Variants in PSMD6 observed in about 807,000 individuals in gnomAD.
The protein encoded by PSMD6 is proteasome 26S subunit, non-ATPase 6.
PSMD6 carries 7 observed loss-of-function variants against 44.9 expected under a neutral mutation model. That is an observed-to-expected ratio of 0.16 (90% CI 0.09 to 0.29). The LOEUF is 0.29. PSMD6 is among the 10% of genes least tolerant of loss of function. PSMD6 has a pLI of 1.00. For missense variants in PSMD6, 420 were observed against 482.6 expected (o/e 0.87, Z 1.21); for synonymous variants, 184 against 172.7 (o/e 1.07, Z -0.51).
intron 2 of PSMD6, 39 bp downstream of exon 2, chr3:64,022,279 C>G: frequency 6.2e-7 from 1 of 1,604,850 alleles, no homozygotes; most frequent in Non-Finnish European, 8.5e-7. Flanking sequence ...CAATTTTAGC[C>G]TATACTAACT....
At position 64,010,632 on chromosome 3, in the gene PSMD6, T is replaced by G. The variant is rs773162770; in HGVS notation, c.*36A>C. On this transcript the variant is annotated 3_prime_UTR_variant, in exon 8 of 8. Transcript: ENST00000295901. Reference sequence around the variant, plus strand: ...GTAAGCTATAAAAATTCCAAATAATTATCTCTAAAGCAAATCCTTTGTTAG... The same window carrying G: ...GTAAGCTATAAAAATTCCAAATAATGATCTCTAAAGCAAATCCTTTGTTAG... 1.8e-5 allele frequency: 26 copies of G among 1,470,848 alleles called. No individual in the cohort carries two copies. Among genetic ancestry groups the G allele is most frequent in the Non-Finnish European group, 2.1e-5 (22 of 1,068,050 alleles). 91.1% of individuals were successfully genotyped at this position (1,470,848 alleles called of 1,614,324 possible).
chr3:64,012,330 TG>T (rs1250704012), intron 6 of PSMD6: 1 of 152,152 alleles, frequency 6.6e-6, no homozygotes, highest in Non-Finnish European at 1.5e-5. Flanking sequence ...TGGGAGCCAC[TG>T]ATCTAGATGC....
At chr3:64,023,958 A>C (rs184461682), upstream of PSMD6, 12 of 725,114 alleles carry the variant, frequency 1.7e-5, no homozygotes, top group East Asian at 3.3e-4. Flanking sequence ...CCATGTCGCA[A>C]GGCCTAAATG....
Position 64,023,426 on chromosome 3 carries a change from G to C in PSMD6, c.-7C>G. On this transcript the variant is annotated 5_prime_UTR_variant, in exon 1 of 8. Transcript: ENST00000295901. Reference sequence around the variant, plus strand: ...CCAGGTTCTCCAGCGGCATCGCGGCGAAGGGGACAGCGGCTGACAGGACAC... The same window carrying C: ...CCAGGTTCTCCAGCGGCATCGCGGCCAAGGGGACAGCGGCTGACAGGACAC... The C allele has an allele frequency of 1.9e-6, 3 of 1,595,546 alleles. No homozygotes were observed. Among genetic ancestry groups the C allele is most frequent in the Non-Finnish European group, 2.6e-6 (3 of 1,168,318 alleles).
Position 64,018,809 on chromosome 3 carries a change from G to T in PSMD6, c.717+9C>A. 1 of 1,556,690 alleles carries T rather than the reference G, an allele frequency of 6.4e-7. No individual in the cohort carries two copies. The highest frequency in any genetic ancestry group is 1.1e-5 in the South Asian group (1 of 88,780). The stretch of plus-strand genomic sequence containing the variant: ...TCTTTAAATTTGAGTATTAAAGTTT[G>T]GTCATTACCTTTTCCCTGAGATCTG... On this transcript the variant is annotated intron_variant, in intron 4 of 7. Transcript: ENST00000295901.
chr3:64,015,960 G>C (rs2076036535), intron 5 of PSMD6: 1 of 152,150 alleles, frequency 6.6e-6, no homozygotes, highest in African/African-American at 2.4e-5. Flanking sequence ...GGCTGAGGCG[G>C]GCGGATCGTG....
chr3:64,022,400 T>G lies in PSMD6; in HGVS notation c.269A>C (p.Asp90Ala). Reference protein sequence around the residue: ...ELKRLDEELEDAEKNLGESEI... With the variant: ...ELKRLDEELEAAEKNLGESEI... Reference sequence around the variant, plus strand: ...GCTCTCTCCTAGATTCTTCTCTGCATCTTCCAGCTCCTCATCCAAACGCTT... The same window carrying G: ...GCTCTCTCCTAGATTCTTCTCTGCAGCTTCCAGCTCCTCATCCAAACGCTT... Residue 90 changes from aspartate to alanine, a missense_variant, in exon 2 of 8, where the codon GAT becomes GCT. Around this residue, in one of 4 missense-constraint regions of PSMD6, gnomAD observed 136 missense variants for 124.2 expected, o/e 1.09. Transcript: ENST00000295901. 1 of 1,614,246 alleles carries G rather than the reference T, an allele frequency of 6.2e-7. No individual in the cohort carries two copies. The highest frequency in any genetic ancestry group is 8.5e-7 in the Non-Finnish European group (1 of 1,180,032).
intron 6 of PSMD6, 91 bp from the exon 7 acceptor site, chr3:64,011,046 A>ACAAACATTTAGCTTCCCTTCAAGCTTGT: frequency 9.4e-7 from 1 of 1,068,980 alleles, no homozygotes; most frequent in East Asian, 2.4e-5. Context: ...TAAATTTGTA[A>ACAAACATTTAGCTTCCCTTCAAGCTTGT]CAAACATTTA....
upstream of PSMD6, chr3:64,023,657 AG>A: frequency 6.9e-7 from 1 of 1,452,454 alleles, no homozygotes; most frequent in South Asian, 1.5e-5. Flanking sequence ...GGAGTCCCAG[AG>A]TGGGTGCAGC....
At chr3:64,020,982 A>C (rs2076119571) in intron 2 of PSMD6, among the ~76,000 whole-genome samples, 1 of 152,202 alleles carries the variant, frequency 6.6e-6, no homozygotes, top group Admixed American at 6.5e-5. Flanking sequence ...AATTTCAAAG[A>C]TCCAGTAATG....
At chr3:64,010,804 C>T in intron 7 of PSMD6, 40 bp from the exon 8 acceptor site, 2 of 1,575,516 alleles carry the variant, frequency 1.3e-6, no homozygotes, top group East Asian at 2.3e-5. Flanking sequence ...ATTTACCAGT[C>T]ACATTATTCC....
At chr3:64,011,442 G>GAATT (rs1385163798) in intron 6 of PSMD6, 1 of 148,102 alleles carries the variant, frequency 6.8e-6, no homozygotes, top group Non-Finnish European at 1.5e-5. Flanking sequence ...AAATGATGTA[G>GAATT]AATTATTGCT....
upstream of PSMD6, chr3:64,023,611 G>C (rs1020724435): frequency 1.4e-6 from 2 of 1,416,536 alleles, no homozygotes; most frequent in Admixed American, 3.1e-5. Flanking sequence ...GCCCCTGTGT[G>C]GTCACGGGGG....
At chr3:64,017,378 GAAGC>G (rs1244084072) in intron 5 of PSMD6, 2 of 152,130 alleles carry the variant, frequency 1.3e-5, no homozygotes, top group Middle Eastern at 3.2e-3. Flanking sequence ...CTGACTGAGG[GAAGC>G]AAGGAAGGGC....
intron 5 of PSMD6, chr3:64,014,213 A>G (rs974742391): frequency 1.3e-5 from 2 of 152,220 alleles, no homozygotes; most frequent in Non-Finnish European, 2.9e-5. Context: ...AGAAGACAGT[A>G]AAATGTACGT....
Position 64,019,317 on chromosome 3 carries a change from C to G in PSMD6, c.476G>C (p.Arg159Pro), listed in dbSNP as rs774026048. ...GTACCTTTTGGCCTTTTCTGTGTTT[C>G]GTGTGATGAGATCATTATCCATATA... Reference protein sequence around the residue: ...LFYMDNDLITRNTEKAKSLIE... With the variant: ...LFYMDNDLITPNTEKAKSLIE... Residue 159 changes from arginine to proline, a missense_variant, in exon 3 of 8, where the codon CGA (arginine) becomes CCA (proline). Arg to Pro is a moderately radical substitution (Grantham distance 103). Transcript: ENST00000295901. 4.4e-6 allele frequency: 7 copies of G among 1,587,200 alleles called. No individual in the cohort carries two copies. Among genetic ancestry groups the G allele is most frequent in the Non-Finnish European group, 1.7e-6 (2 of 1,155,940 alleles).
Position 64,013,537 on chromosome 3 carries a change from C to A in PSMD6, c.897G>T (p.Met299Ile), listed in dbSNP as rs2106846940. 1.2e-6 allele frequency: 2 copies of A among 1,613,614 alleles called. No individual in the cohort carries two copies. The highest frequency in any genetic ancestry group is 1.7e-6 in the Non-Finnish European group (2 of 1,179,734). The change falls in exon 6 of 8, where the codon ATG becomes ATT. Residue 299 changes from methionine to isoleucine, a missense_variant. Physicochemically the swap from Met to Ile is conservative, Grantham distance 10. Coordinates refer to ENST00000295901, the MANE Select transcript of PSMD6 (RefSeq NM_014814.3). ...GCAGCTGACTGTATGCATGAATTCT[C>A]ATTTCTCTTACATAGTATCGATAAT... Reference protein sequence around the residue: ...APHYRYYVREMRIHAYSQLLE... With the variant: ...APHYRYYVREIRIHAYSQLLE...
chr3:64,016,582 G>A (rs2106858357), intron 5 of PSMD6: 1 of 152,132 alleles, frequency 6.6e-6, no homozygotes, highest in East Asian at 1.9e-4. Flanking sequence ...TTAAGTATAT[G>A]AAAAGATGCT....
intron 5 of PSMD6, 150 bp from the exon 6 acceptor site, chr3:64,013,757 G>T: frequency 1.6e-6 from 1 of 626,212 alleles, no homozygotes; most frequent in Non-Finnish European, 2.5e-6. Flanking sequence ...ATCAACAATG[G>T]CAGCAACAGC....
Sources: gnomAD v4.1 joint callset for allele counts (sites outside exome capture counted in the v4.1 genomes callset) on GRCh38, gnomAD v4.1.1 for gene constraint, gnomAD v4.1.1 regional missense constraint, MANE v1.5 for transcripts, NCBI Gene and HGNC (gene_info 2026-07-23, HGNC 2026-07-21) for gene names.